The following ARHGAP10 variants were observed in gnomAD, a reference collection of about 807,000 sequenced individuals.
The protein encoded by ARHGAP10 is Rho GTPase activating protein 10, also known as rho GTPase-activating protein 10.
ARHGAP10 carries 87 observed loss-of-function variants against 108.6 expected under a neutral mutation model. The ratio of observed to expected loss-of-function variants is 0.80; its 90% CI spans 0.67 to 0.96. ARHGAP10 has a LOEUF of 0.96. Among genes scored for constraint, ARHGAP10 ranks in the 40% least tolerant of loss-of-function variants. ARHGAP10 has a pLI of 0.00. For synonymous variants in ARHGAP10, 347 were observed against 341.1 expected (o/e 1.02, Z -0.19); for missense variants, 939 against 954.5 (o/e 0.98, Z 0.21).
chr4:147,922,720 C>T (rs1269935741), intron 13 of ARHGAP10, among the ~76,000 whole-genome samples: 3 of 150,972 alleles, frequency 2.0e-5, no homozygotes, highest in Non-Finnish European at 4.4e-5. Flanking sequence ...TTTATTCATA[C>T]TACCTCCCAC....
chr4:148,030,105 C>T (rs1728075208), intron 19 of ARHGAP10, among the ~76,000 whole-genome samples: 1 of 149,382 alleles, frequency 6.7e-6, no homozygotes. Flanking sequence ...TTCCCCCTTT[C>T]TGTGGAGGAG....
chr4:147,747,261 C>T (rs1419333676), intron 1 of ARHGAP10, among the ~76,000 whole-genome samples: 1 of 152,094 alleles, frequency 6.6e-6, no homozygotes, highest in Non-Finnish European at 1.5e-5. Flanking sequence ...CCTCTGGCAG[C>T]ACCTGGGAAG....
At chr4:147,818,767 AAAG>A (rs1732367260) in intron 1 of ARHGAP10, among the ~76,000 whole-genome samples, 1 of 152,164 alleles carries the variant, frequency 6.6e-6, no homozygotes. Flanking sequence ...TTTGTTTTGA[AAAG>A]AAGAAGACAT....
intron 1 of ARHGAP10, among the ~76,000 whole-genome samples, chr4:147,792,060 A>G (rs1731146838): frequency 6.6e-6 from 1 of 152,206 alleles, no homozygotes; most frequent in Admixed American, 6.5e-5. Context: ...GCTGTGTGGT[A>G]GCACGTGAGC....
At chr4:147,833,416 G>A (rs2126800201) in intron 3 of ARHGAP10, among the ~76,000 whole-genome samples, 1 of 152,264 alleles carries the variant, frequency 6.6e-6, no homozygotes, top group Non-Finnish European at 1.5e-5. Context: ...AAGATTGTAA[G>A]TTTCCTGAGA....
At chr4:147,902,644 G>A (rs1426074388) in intron 10 of ARHGAP10, among the ~76,000 whole-genome samples, 1 of 152,124 alleles carries the variant, frequency 6.6e-6, no homozygotes, top group African/African-American at 2.4e-5. Context: ...CAGAGGCTGA[G>A]GTAGGAGAAT....
At chr4:147,988,748 C>T (rs1056665134) in intron 18 of ARHGAP10, among the ~76,000 whole-genome samples, 3 of 151,632 alleles carry the variant, frequency 2.0e-5, no homozygotes, top group Admixed American at 6.6e-5. Flanking sequence ...GTTGACTTTT[C>T]CCCCACACTT....
chr4:147,972,111 G>C (rs956704837), intron 18 of ARHGAP10, among the ~76,000 whole-genome samples: 4 of 152,132 alleles, frequency 2.6e-5, no homozygotes, highest in African/African-American at 9.7e-5. Context: ...ATCTGTTCAA[G>C]ATAAGTCCAT....
At chr4:147,835,627 G>A (rs531111233) in intron 3 of ARHGAP10, among the ~76,000 whole-genome samples, 1 of 152,138 alleles carries the variant, frequency 6.6e-6, no homozygotes, top group Non-Finnish European at 1.5e-5. Context: ...GCCCGCCTTG[G>A]CCTCCCAAAG....
chr4:147,766,234 G>T (rs1729806985), intron 1 of ARHGAP10, among the ~76,000 whole-genome samples: 1 of 152,104 alleles, frequency 6.6e-6, no homozygotes. Flanking sequence ...AGGTTGCAGC[G>T]AGCTGAGATC....
At position 147,878,452 on chromosome 4, in the gene ARHGAP10, G is replaced by GAT. The variant is rs537171878; in HGVS notation, c.833-779_833-778dup. ...ATCAGTAAGAGCAGCTGCTTACTAG[G>GAT]ATGCTGTTCATGGACTTAAAGCACT... On this transcript the variant is annotated intron_variant, in intron 8 of 22. Transcript: ENST00000336498. 2.6e-4 allele frequency among the ~76,000 whole-genome samples: 40 copies of GAT among 152,246 alleles called. No homozygotes were observed. The South Asian group carries it at 7.9e-3, about 30-fold the overall frequency.
At chr4:147,926,986 C>T (rs1307860986) in intron 13 of ARHGAP10, among the ~76,000 whole-genome samples, 3 of 151,984 alleles carry the variant, frequency 2.0e-5, no homozygotes, top group Admixed American at 2.0e-4. Flanking sequence ...CGCATGAGCC[C>T]CTGAAGTGAA....
intron 12 of ARHGAP10, among the ~76,000 whole-genome samples, chr4:147,911,271 T>A (rs1579190406): frequency 6.6e-6 from 1 of 152,214 alleles, no homozygotes; most frequent in East Asian, 1.9e-4. Context: ...TATTCATGGA[T>A]TGTTCTTGTA....
At chr4:147,843,934 T>C (rs1733521248) in intron 3 of ARHGAP10, among the ~76,000 whole-genome samples, 1 of 152,350 alleles carries the variant, frequency 6.6e-6, no homozygotes, top group African/African-American at 2.4e-5. Context: ...TCCATTTTTC[T>C]ACCGTCCTAC....
rs1177215922 is a variant in ARHGAP10 at position 147,982,883 on chromosome 4, T to C, written c.1716+16044T>C. Among the ~76,000 whole-genome samples the C allele has an allele frequency of 5.3e-5, 8 of 152,072 alleles. No homozygotes were observed. In the South Asian group the frequency reaches 1.0e-3, roughly 20 times the overall value. On this transcript the variant is annotated intron_variant, in intron 18 of 22. Transcript: ENST00000336498. ...TTTCTCAAATACTTACTTACTTTCT[T>C]TTTTTTCCTGAATTTTCGAGACAGG... is the stretch of plus-strand genomic sequence containing the variant.
chr4:147,948,097 T>C (rs924755095), intron 15 of ARHGAP10, among the ~76,000 whole-genome samples: 4 of 152,008 alleles, frequency 2.6e-5, no homozygotes, highest in African/African-American at 9.7e-5. Context: ...CTCGCCACCA[T>C]GTCCGGCTAA....
At chr4:147,886,175 G>C (rs1735547009) in intron 10 of ARHGAP10, among the ~76,000 whole-genome samples, 1 of 152,166 alleles carries the variant, frequency 6.6e-6, no homozygotes, top group African/African-American at 2.4e-5. Context: ...AAAAAAAATT[G>C]AAATCCAGAA....
At chr4:147,919,039 C>A (rs1737113101) in intron 13 of ARHGAP10, among the ~76,000 whole-genome samples, 1 of 152,202 alleles carries the variant, frequency 6.6e-6, no homozygotes, top group African/African-American at 2.4e-5. Flanking sequence ...CCGAAGGTGG[C>A]TCAGTTCTCC....
At chr4:147,860,224 C>T (rs1027362414) in intron 5 of ARHGAP10, among the ~76,000 whole-genome samples, 4 of 152,130 alleles carry the variant, frequency 2.6e-5, no homozygotes, top group African/African-American at 7.2e-5. Context: ...GGGTGGATCA[C>T]GAGATCAGGA....
Sources: allele counts gnomAD v4.1 joint callset (sites outside exome capture counted in the v4.1 genomes callset), GRCh38; gene constraint gnomAD v4.1.1; transcripts MANE v1.5; gene names NCBI Gene and HGNC (gene_info 2026-07-23, HGNC 2026-07-21).